Variants in SP140L observed in about 807,000 individuals in gnomAD.
SP140L encodes nuclear body protein SP140-like protein.
Under a neutral mutation model 84.3 loss-of-function variants are expected in SP140L, and 64 were observed. The ratio of observed to expected loss-of-function variants is 0.76; its 90% CI spans 0.62 to 0.94. The LOEUF (loss-of-function observed/expected upper bound fraction) is 0.94. SP140L is among the 40% of genes least tolerant of loss of function. The probability of loss-of-function intolerance (pLI) is 0.00; values close to 1 mark genes in which losing one functional copy is unlikely to be tolerated. For missense variants in SP140L, 628 were observed against 692.5 expected (o/e 0.91, Z 1.05); for synonymous variants, 242 against 236.9 (o/e 1.02, Z -0.20).
At chr2:230,362,634 A>G (rs1015426409) in intron 5 of SP140L, among the ~76,000 whole-genome samples, 1 of 152,150 alleles carries the variant, frequency 6.6e-6, no homozygotes, top group African/African-American at 2.4e-5. Flanking sequence ...CGTCTATTCT[A>G]TGGCAATTGT....
At chr2:230,365,347 A>C (rs1011256359) in intron 5 of SP140L, among the ~76,000 whole-genome samples, 1 of 151,902 alleles carries the variant, frequency 6.6e-6, no homozygotes, top group Non-Finnish European at 1.5e-5. Flanking sequence ...TGGTCTGCTC[A>C]GGTTTTTATA....
chr2:230,360,757 T>C (rs2060688850), intron 4 of SP140L, among the ~76,000 whole-genome samples: 1 of 152,116 alleles, frequency 6.6e-6, no homozygotes, highest in Non-Finnish European at 1.5e-5. Flanking sequence ...GGGGCAGCAC[T>C]GCCCACCGCC....
In SP140L at chr2:230,391,368, C is replaced by G. The variant is rs150857642; in HGVS notation, c.965-719C>G. 3.6e-3 allele frequency among the ~76,000 whole-genome samples: 544 copies of G among 152,340 alleles called. 6 individuals are homozygous for G. Among genetic ancestry groups the G allele is most frequent in the African/African-American group, 0.013 (524 of 41,566 alleles). ...ATGAAGGCTCCCATTTCTCTACACACTCACCAACACTTGTTATTGTTTGTC... is the reference window on the plus strand; with the variant it reads ...ATGAAGGCTCCCATTTCTCTACACAGTCACCAACACTTGTTATTGTTTGTC... On this transcript the variant is annotated intron_variant, in intron 11 of 18. Transcript: ENST00000415673.
rs183664144 is a variant in SP140L at position 230,360,378 on chromosome 2, T to A, written c.440-1236T>A. Among the ~76,000 whole-genome samples, 58 of 152,352 alleles carry A rather than the reference T, an allele frequency of 3.8e-4. No homozygotes were observed. The South Asian group carries it at 0.011, about 29-fold the overall frequency. ...AGGCAATAAAGAAATACTACAGGTT[T>A]ATAAACAAGGAAAAAAGTTTAGGCA... is the stretch of plus-strand genomic sequence containing the variant. On this transcript the variant is annotated intron_variant, in intron 4 of 18. Transcript: ENST00000415673.
At chr2:230,346,491 C>T (rs1261997965) in intron 2 of SP140L, among the ~76,000 whole-genome samples, 4 of 152,076 alleles carry the variant, frequency 2.6e-5, no homozygotes, top group Admixed American at 1.3e-4. Context: ...TTCTTTCTCT[C>T]TTCTTCTGTA....
intron 2 of SP140L, among the ~76,000 whole-genome samples, chr2:230,331,155 T>C (rs2059715206): frequency 6.6e-6 from 1 of 152,186 alleles, no homozygotes; most frequent in Non-Finnish European, 1.5e-5. Flanking sequence ...AAAAATCACA[T>C]GCTAAGGTTG....
At chr2:230,396,539 T>G (rs6747181) in intron 13 of SP140L, among the ~76,000 whole-genome samples, 30,267 of 152,152 alleles carry the variant, frequency 0.2, 3,475 homozygotes, top group South Asian at 0.39. Context: ...TGGTAAATTC[T>G]CTAGTTTCAT....
chr2:230,401,040 C>T lies in SP140L; in HGVS notation c.1399C>T (p.Gln467Ter). ...TCAGGAATCTGAGGTCCTGGAGAGG[C>T]AGATGTGTCCTGAGGAACAGTTGGT... is the stretch of plus-strand genomic sequence containing the variant. The part of the protein sequence containing the change: ...CCQESEVLER[Q>*]MCPEEQLKCE... Residue 467 changes from glutamine to a stop codon, truncating the protein, a stop_gained, in exon 16 of 19, where the codon CAG (glutamine) becomes TAG (stop). Transcript: ENST00000415673. LOFTEE classifies it high-confidence loss of function. 7.2e-7 allele frequency: 1 copy of T among 1,380,760 alleles called. No individual in the cohort carries two copies. Among genetic ancestry groups the T allele is most frequent in the Non-Finnish European group, 1.0e-6 (1 of 1,004,704 alleles). The allele number at this position is 1,380,760 out of a possible 1,614,324, so 85.5% of individuals were successfully genotyped here.
intron 5 of SP140L, among the ~76,000 whole-genome samples, chr2:230,367,846 C>T (rs868458974): frequency 2.6e-5 from 4 of 151,818 alleles, no homozygotes; most frequent in African/African-American, 4.9e-5. Context: ...GCAGGAGAAT[C>T]GCTTGAACCA....
intron 7 of SP140L, among the ~76,000 whole-genome samples, chr2:230,380,744 T>C (rs1344063727): frequency 6.6e-6 from 1 of 152,314 alleles, no homozygotes; most frequent in East Asian, 1.9e-4. Flanking sequence ...GCGTGTTCTC[T>C]TTATTGTGAG....
intron 7 of SP140L, among the ~76,000 whole-genome samples, chr2:230,379,257 T>A (rs1240615250): frequency 3.9e-5 from 6 of 152,154 alleles, no homozygotes; most frequent in Non-Finnish European, 7.4e-5. Flanking sequence ...TCTTCTGTGG[T>A]AGTGTTGACC....
At chr2:230,342,420 A>G (rs987991094) in intron 2 of SP140L, among the ~76,000 whole-genome samples, 1 of 152,196 alleles carries the variant, frequency 6.6e-6, no homozygotes, top group Non-Finnish European at 1.5e-5. Context: ...TGAACCCAGT[A>G]CCTCAGATGG....
intron 2 of SP140L, among the ~76,000 whole-genome samples, chr2:230,343,228 G>T (rs1246874146): frequency 6.8e-6 from 1 of 147,390 alleles, no homozygotes; most frequent in African/African-American, 2.5e-5. Context: ...TCCTGATGCT[G>T]TCCCTCTCCC....
rs764760652 is a variant in SP140L at position 230,358,989 on chromosome 2, T to C, written c.296T>C (p.Leu99Pro). The C allele has an allele frequency of 3.1e-6, 5 of 1,596,480 alleles. No homozygotes were observed. The highest frequency in any genetic ancestry group is 4.3e-6 in the Non-Finnish European group (5 of 1,175,512). The change falls in exon 4 of 19, where the codon CTG becomes CCG. Residue 99 changes from leucine to proline, a missense_variant. Transcript: ENST00000415673. ...FEDSEDSCRN[L>P]VPVQRVVYNV... is the part of the protein sequence containing the mutation. ...GATTCTGAAGATTCTTGTAGAAACC[T>C]GGTCCCTGTACAAAGAGTGGTGTAC...
At chr2:230,330,030 T>C (rs2149669597) in intron 2 of SP140L, among the ~76,000 whole-genome samples, 1 of 152,296 alleles carries the variant, frequency 6.6e-6, no homozygotes. Flanking sequence ...GAGATATTCT[T>C]CCAGACTGAT....
intron 18 of SP140L, among the ~76,000 whole-genome samples, chr2:230,402,279 A>G (rs1251956718): frequency 6.6e-6 from 1 of 152,212 alleles, no homozygotes; most frequent in Admixed American, 6.5e-5. Flanking sequence ...CCCTTCCACT[A>G]TCTGAATTGT....
chr2:230,350,308 T>G (rs1261804004), intron 2 of SP140L, among the ~76,000 whole-genome samples: 1 of 152,242 alleles, frequency 6.6e-6, no homozygotes, highest in Admixed American at 6.5e-5. Context: ...AGCAAAACTA[T>G]TACCTTCAAC....
intron 5 of SP140L, among the ~76,000 whole-genome samples, chr2:230,369,934 C>T (rs534915513): frequency 2.7e-5 from 4 of 148,008 alleles, no homozygotes; most frequent in African/African-American, 1.1e-4. Context: ...CCACCACACC[C>T]AGCTAATTTT....
intron 2 of SP140L, among the ~76,000 whole-genome samples, chr2:230,337,676 G>T (rs2059918499): frequency 6.6e-6 from 1 of 152,168 alleles, no homozygotes; most frequent in Non-Finnish European, 1.5e-5. Flanking sequence ...TTTGTATAAG[G>T]TGTAAAGAAG....
Sources: allele counts gnomAD v4.1 joint callset (sites outside exome capture counted in the v4.1 genomes callset), GRCh38; gene constraint gnomAD v4.1.1; transcripts MANE v1.5; gene names NCBI Gene and HGNC (gene_info 2026-07-23, HGNC 2026-07-21).